Variants in GCNT4 observed in about 807,000 individuals in gnomAD.
GCNT4 encodes the protein beta-1,3-galactosyl-O-glycosyl-glycoprotein beta-1,6-N-acetylglucosaminyltransferase 4.
Under a neutral mutation model 31.3 loss-of-function variants are expected in GCNT4, and 17 were observed. The ratio of observed to expected loss-of-function variants is 0.54; its 90% CI spans 0.37 to 0.81. GCNT4 has a LOEUF of 0.81. GCNT4 is among the 40% of genes least tolerant of loss of function. GCNT4 has a pLI of 0.00. For synonymous variants in GCNT4, 158 were observed against 190.6 expected, an observed-to-expected ratio of 0.83 and a Z score of 1.41; for missense variants, 503 against 525.5, an observed-to-expected ratio of 0.96 and a Z score of 0.42.
intron 3 of GCNT4, among the ~76,000 whole-genome samples, chr5:75,033,674 T>TTTATTTA (rs200713432): frequency 3.4e-5 from 4 of 116,856 alleles, no homozygotes; most frequent in Admixed American, 1.6e-4. Flanking sequence ...TATTTATTTA[T>TTTATTTA]TTTTTTTTTT....
chr5:75,037,587 G>A (rs912030983), intron 3 of GCNT4, among the ~76,000 whole-genome samples: 3 of 152,046 alleles, frequency 2.0e-5, no homozygotes, highest in East Asian at 3.9e-4. Flanking sequence ...CTTTCAGGCC[G>A]GGCACAGTGG....
chr5:75,030,921 A>C (rs1743047086), intron 3 of GCNT4: 1 of 166,986 alleles, frequency 6.0e-6, no homozygotes, highest in Non-Finnish European at 1.5e-5. Flanking sequence ...CCATGCTATA[A>C]TATGTGAAAA....
intron 3 of GCNT4, among the ~76,000 whole-genome samples, chr5:75,045,992 G>T (rs1461959715): frequency 6.6e-6 from 1 of 152,108 alleles, no homozygotes; most frequent in Non-Finnish European, 1.5e-5. Context: ...TCAATTCAAT[G>T]AATGATGTTC....
At chr5:75,032,882 T>G (rs889115709) in intron 3 of GCNT4, among the ~76,000 whole-genome samples, 263 of 80,846 alleles carry the variant, frequency 3.3e-3, no homozygotes, top group Non-Finnish European at 4.7e-3. Context: ...GGTGTGTGTG[T>G]GTGTGTGTGT....
chr5:75,053,951 C>G (rs149448795), upstream of GCNT4, among the ~76,000 whole-genome samples: 1 of 152,272 alleles, frequency 6.6e-6, no homozygotes, highest in Non-Finnish European at 1.5e-5. Flanking sequence ...AAACTCACAT[C>G]CGCGGCTCCT....
At chr5:75,031,127 T>G (rs1743053148) in intron 3 of GCNT4, among the ~76,000 whole-genome samples, 1 of 151,584 alleles carries the variant, frequency 6.6e-6, no homozygotes, top group Admixed American at 6.6e-5. Flanking sequence ...CAGGCCAGAG[T>G]GCAGTGGTAC....
At chr5:75,049,921 A>G (rs1182563414) in intron 2 of GCNT4, among the ~76,000 whole-genome samples, 3 of 152,232 alleles carry the variant, frequency 2.0e-5, no homozygotes, top group Non-Finnish European at 2.9e-5. Context: ...TGATAATAAA[A>G]CCACCAGCAC....
chr5:75,044,713 C>A (rs1402578579), intron 3 of GCNT4, among the ~76,000 whole-genome samples: 2 of 152,198 alleles, frequency 1.3e-5, no homozygotes, highest in East Asian at 3.9e-4. Flanking sequence ...CCAAAGGCAA[C>A]AGCCACGGAT....
Position 75,028,605 on chromosome 5 carries a change from A to G in GCNT4, c.*71T>C. On this transcript the variant is annotated 3_prime_UTR_variant, in exon 4 of 4. Coordinates refer to ENST00000652361, the MANE Select transcript of GCNT4 (RefSeq NM_001366737.1). Reference sequence around the variant, plus strand: ...GGACTGAGTTTAAACAGTATTGGGCATAGTATGGTATTCAATTCCACACTG... The same window carrying G: ...GGACTGAGTTTAAACAGTATTGGGCGTAGTATGGTATTCAATTCCACACTG... The G allele has an allele frequency of 7.3e-7, 1 of 1,372,632 alleles. No individual in the cohort carries two copies. Among genetic ancestry groups the G allele is most frequent in the South Asian group, 1.4e-5 (1 of 73,216 alleles). 85.0% of individuals were successfully genotyped at this position (1,372,632 alleles called of 1,614,324 possible).
chr5:75,033,652 C>CCTTT (rs1322700718), intron 3 of GCNT4, among the ~76,000 whole-genome samples: 5 of 146,184 alleles, frequency 3.4e-5, no homozygotes, highest in African/African-American at 1.3e-4. Flanking sequence ...GCCAGAAATC[C>CCTTT]CTTTATTTAT....
chr5:75,044,398 C>T (rs1012632467), intron 3 of GCNT4, among the ~76,000 whole-genome samples: 1 of 151,062 alleles, frequency 6.6e-6, no homozygotes, highest in Non-Finnish European at 1.5e-5. Context: ...GAATTTAAAG[C>T]CAATGGTTCT....
At position 75,028,356 on chromosome 5, in the gene GCNT4, A is replaced by G. The variant is rs1561372410; in HGVS notation, c.*320T>C. ...AGAACTTAAAGATACCGAGGTTGCT[A>G]TGATGAGGATAAGCCGCAGTCTCTA... is the stretch of plus-strand genomic sequence containing the variant. On this transcript the variant is annotated 3_prime_UTR_variant, in exon 4 of 4. Coordinates refer to ENST00000652361, the MANE Select transcript of GCNT4 (RefSeq NM_001366737.1). The G allele has an allele frequency of 3.9e-6, 1 of 256,380 alleles. No homozygotes were observed. The highest frequency in any genetic ancestry group is 7.4e-6 in the Non-Finnish European group (1 of 135,734). 15.9% of individuals were successfully genotyped at this position (256,380 alleles called of 1,614,324 possible).
At chr5:75,045,467 CTTTTT>C (rs999749327) in intron 3 of GCNT4, among the ~76,000 whole-genome samples, 7 of 152,156 alleles carry the variant, frequency 4.6e-5, no homozygotes, top group African/African-American at 1.7e-4. Flanking sequence ...AATTTCTTCC[CTTTTT>C]AAGACTAAAT....
intron 3 of GCNT4, among the ~76,000 whole-genome samples, chr5:75,031,942 A>G (rs1180191743): frequency 6.6e-6 from 1 of 152,172 alleles, no homozygotes; most frequent in Non-Finnish European, 1.5e-5. Context: ...TAAACCTTAA[A>G]TGGAAGACAA....
At chr5:75,038,565 C>T (rs535457746) in intron 3 of GCNT4, among the ~76,000 whole-genome samples, 1 of 152,266 alleles carries the variant, frequency 6.6e-6, no homozygotes, top group South Asian at 2.1e-4. Context: ...AAGATCAAGG[C>T]ACAGATTTGG....
At chr5:75,032,765 C>T (rs189275957) in intron 3 of GCNT4, among the ~76,000 whole-genome samples, 29 of 152,274 alleles carry the variant, frequency 1.9e-4, no homozygotes, top group African/African-American at 6.5e-4. Context: ...ACTGTCCCCA[C>T]TCCCTTGCCT....
chr5:75,028,938 C>G lies in GCNT4; in HGVS notation c.1100G>C (p.Arg367Pro). Residue 367 changes from arginine (R) to proline (P), a missense_variant, in exon 4 of 4, where the codon CGC becomes CCC. Transcript: ENST00000652361. ...QDVSDLQSKT[R>P]LVKWNYYEGF... ...TTCATAGTAATTCCACTTGACAAGG[C>G]GAGTCTTACTCTGCAGATCAGACAC... is the stretch of plus-strand genomic sequence containing the variant. 6.2e-7 allele frequency: 1 copy of G among 1,613,860 alleles called. No individual in the cohort carries two copies.
the GCNT4 span, among the ~76,000 whole-genome samples, chr5:75,018,432 C>T: frequency 7.2e-5 from 11 of 152,074 alleles, no homozygotes; most frequent in Admixed American, 1.3e-4. Flanking sequence ...CAGGCTTGTG[C>T]CACCACGCCC....
chr5:75,038,728 C>T (rs1335225631), intron 3 of GCNT4, among the ~76,000 whole-genome samples: 3 of 152,206 alleles, frequency 2.0e-5, no homozygotes, highest in African/African-American at 7.2e-5. Context: ...AGGGCTCTAC[C>T]CTCATGATTT....
Sources: allele counts gnomAD v4.1 joint callset (sites outside exome capture counted in the v4.1 genomes callset), GRCh38; gene constraint gnomAD v4.1.1; transcripts MANE v1.5; gene names NCBI Gene and HGNC (gene_info 2026-07-23, HGNC 2026-07-21).